Variants in UGGT2 observed in about 807,000 individuals in gnomAD.
The protein encoded by UGGT2 is UDP-glucose glycoprotein glucosyltransferase 2.
Under a neutral mutation model 192.1 loss-of-function variants are expected in UGGT2, and 180 were observed. The ratio of observed to expected loss-of-function variants is 0.94; its 90% CI spans 0.83 to 1.06. UGGT2 has a LOEUF of 1.06. Among genes scored for constraint, UGGT2 ranks in the 50% least tolerant of loss-of-function variants. UGGT2 has a pLI of 0.00. For missense variants in UGGT2, 1,849 were observed against 1,795.7 expected (o/e 1.03, Z -0.54); for synonymous variants, 580 against 591.0 (o/e 0.98, Z 0.27).
chr13:95,969,174 A>T (rs1199378090), intron 12 of UGGT2, among the ~76,000 whole-genome samples: 2 of 152,208 alleles, frequency 1.3e-5, no homozygotes, highest in Non-Finnish European at 2.9e-5. Context: ...TCTTGAACTC[A>T]GGCTCAAGTA....
rs955535947 is a variant in UGGT2 at position 95,947,242 on chromosome 13, C to T, written c.1542-70G>A. 9.7e-6 allele frequency: 13 copies of T among 1,345,848 alleles called. No individual in the cohort carries two copies. The Admixed American group carries it at 1.8e-4, about 18-fold the overall frequency. The allele number at this position is 1,345,848 out of a possible 1,614,324, so 83.4% of individuals were successfully genotyped here. A position where few individuals can be genotyped will look rare whatever the true frequency, so the allele number is the denominator to read the frequency against. ...ATCACAATAAACCATTATTTAGAAA[C>T]GTTATTAGACTACAATATCTAGATG... On this transcript the variant is annotated intron_variant, in intron 14 of 38. Coordinates refer to ENST00000376747, the MANE Select transcript of UGGT2 (RefSeq NM_020121.4).
chr13:95,810,424 G>GT (rs1368720331), intron 38 of UGGT2, among the ~76,000 whole-genome samples: 5 of 152,154 alleles, frequency 3.3e-5, no homozygotes. Flanking sequence ...ATGATGCCAT[G>GT]TATGGTCTGT....
chr13:95,884,065 C>CAAAAAAAAAA (rs35937679), intron 27 of UGGT2, among the ~76,000 whole-genome samples: 1 of 73,956 alleles, frequency 1.4e-5, no homozygotes, highest in Non-Finnish European at 2.6e-5. Flanking sequence ...GCTGTGAGGC[C>CAAAAAAAAAA]AAAAAAAAAA....
At chr13:95,871,304 T>C (rs987716405) in intron 29 of UGGT2, among the ~76,000 whole-genome samples, 2 of 152,268 alleles carry the variant, frequency 1.3e-5, no homozygotes, top group South Asian at 4.1e-4. Flanking sequence ...CCTCACAATA[T>C]GCAGATTGCC....
intron 38 of UGGT2, among the ~76,000 whole-genome samples, chr13:95,802,810 CT>C (rs970002882): frequency 7.0e-6 from 1 of 143,726 alleles, no homozygotes; most frequent in African/African-American, 2.7e-5. Flanking sequence ...ATTAGCTATC[CT>C]TTTTTGTTTG....
Position 96,053,068 on chromosome 13 carries a change from A to G in UGGT2, c.158+87T>C. 5.0e-6 allele frequency: 7 copies of G among 1,387,340 alleles called. No homozygotes were observed. The South Asian group carries it at 1.1e-4, about 22-fold the overall frequency. The allele number at this position is 1,387,340 out of a possible 1,614,324, so 85.9% of individuals were successfully genotyped here. On this transcript the variant is annotated intron_variant, in intron 1 of 38. Transcript: ENST00000376747. ...CGTCTGGAGAACCCGGGTGGGAGCC[A>G]GACACCCGCTGCGAGCACGAAGAAA...
chr13:95,948,552 T>A (rs1234902999), intron 13 of UGGT2, among the ~76,000 whole-genome samples: 1 of 152,198 alleles, frequency 6.6e-6, no homozygotes. Flanking sequence ...CCGTAGGTAT[T>A]TTCTCCAACT....
chr13:95,963,098 T>C (rs569034449), intron 12 of UGGT2, among the ~76,000 whole-genome samples: 30 of 152,086 alleles, frequency 2.0e-4, no homozygotes, highest in African/African-American at 6.3e-4. Context: ...AAGATGAAAT[T>C]TGGGTGGGGA....
intron 38 of UGGT2, among the ~76,000 whole-genome samples, chr13:95,809,908 T>C (rs184800793): frequency 2.0e-5 from 3 of 152,344 alleles, no homozygotes; most frequent in African/African-American, 7.2e-5. Context: ...AGGTAAGCCT[T>C]TCTTATAGTA....
intron 15 of UGGT2, 85 bp downstream of exon 15, chr13:95,946,952 A>G (rs2049890274): frequency 7.5e-7 from 1 of 1,330,138 alleles, no homozygotes. Flanking sequence ...ATGTAATGCA[A>G]AAATTATACA....
At chr13:95,865,595 C>T (rs1245083928) in intron 30 of UGGT2, among the ~76,000 whole-genome samples, 1 of 152,130 alleles carries the variant, frequency 6.6e-6, no homozygotes, top group Admixed American at 6.5e-5. Context: ...CCTTAGGAGA[C>T]GGAGGCTGCA....
chr13:95,927,715 G>A (rs867300152), intron 17 of UGGT2, among the ~76,000 whole-genome samples: 1 of 151,782 alleles, frequency 6.6e-6, no homozygotes, highest in Non-Finnish European at 1.5e-5. Flanking sequence ...TCTCGGAGAG[G>A]GGGATTTGGC....
In UGGT2 at chr13:95,970,255, C is replaced by G; in HGVS notation, c.1192G>C (p.Asp398His). The G allele has an allele frequency of 6.2e-7, 1 of 1,608,654 alleles. No individual in the cohort carries two copies. Among genetic ancestry groups the G allele is most frequent in the Non-Finnish European group, 8.5e-7 (1 of 1,177,478 alleles). Residue 398 changes from aspartate (D) to histidine (H), a missense_variant, in exon 12 of 39, where the codon GAT (aspartate) becomes CAT (histidine). Physicochemically the swap from Asp to His is moderately conservative, Grantham distance 81. Transcript: ENST00000376747. ...ATTTTTCCTTCTAATTTCAGCATATCCAAAATACTATATATTCAAAGAAAA... is the reference window on the plus strand; with the variant it reads ...ATTTTTCCTTCTAATTTCAGCATATGCAAAATACTATATATTCAAAGAAAA... ...MDVYDAFSIL[D>H]MLKLEGKMMN...
intron 17 of UGGT2, 98 bp downstream of exon 17, chr13:95,936,826 A>AT (rs1399579806): frequency 8.4e-6 from 10 of 1,188,966 alleles, no homozygotes; most frequent in Non-Finnish European, 1.1e-5. Flanking sequence ...CAGAATGGAA[A>AT]TTTTTTACCA....
chr13:96,012,930 C>T (rs2052209602), intron 5 of UGGT2, among the ~76,000 whole-genome samples: 1 of 151,908 alleles, frequency 6.6e-6, no homozygotes. Flanking sequence ...AGTCAGGTCT[C>T]AAAAGAAAGA....
rs79893284 is a variant in UGGT2, at chr13:95,898,707, C to G, written c.2634+2100G>C. Among the ~76,000 whole-genome samples, 713 of 152,156 alleles carry G rather than the reference C, an allele frequency of 4.7e-3. 5 individuals carry two copies. Among genetic ancestry groups the G allele is most frequent in the African/African-American group, 0.017 (688 of 41,530 alleles). On this transcript the variant is annotated intron_variant, in intron 22 of 38. Transcript: ENST00000376747. ...ACTAATGCCACTATAAAAAGGCTTT[C>G]AGGAGTGGGTTTGCTCTCTCCTGCC...
rs185977889 is a variant in UGGT2, at chr13:96,009,994, C to G, written c.660+3313G>C. On this transcript the variant is annotated intron_variant, in intron 5 of 38. Coordinates refer to ENST00000376747, the MANE Select transcript of UGGT2 (RefSeq NM_020121.4). ...CTACTATTAAAAAGTCAAAAAATAA[C>G]AAGATTCTGGTGAGGTTGCAGAAAA... Among the ~76,000 whole-genome samples the G allele has an allele frequency of 2.6e-5, 4 of 151,936 alleles. No individual in the cohort carries two copies. The East Asian group carries it at 7.7e-4, about 29-fold the overall frequency.
At chr13:95,930,887 G>T (rs576964353) in intron 17 of UGGT2, among the ~76,000 whole-genome samples, 2 of 152,298 alleles carry the variant, frequency 1.3e-5, no homozygotes, top group Non-Finnish European at 2.9e-5. Flanking sequence ...AGACTTTTAT[G>T]GTGAGTGTTA....
intron 15 of UGGT2, 78 bp downstream of exon 15, chr13:95,946,959 T>C: frequency 7.4e-7 from 1 of 1,353,118 alleles, no homozygotes; most frequent in Non-Finnish European, 9.8e-7. Context: ...GCAAAAATTA[T>C]ACATTCTAAA....
Sources: gnomAD v4.1 joint callset for allele counts (sites outside exome capture counted in the v4.1 genomes callset) on GRCh38, gnomAD v4.1.1 for gene constraint, MANE v1.5 for transcripts, NCBI Gene and HGNC (gene_info 2026-07-23, HGNC 2026-07-21) for gene names.